KATNB1: variants seen among roughly 807,000 people sequenced by gnomAD.
KATNB1 encodes the protein katanin p80 WD40 repeat-containing subunit B1.
Under a neutral mutation model 82.3 loss-of-function variants are expected in KATNB1, and 38 were observed. The ratio of observed to expected loss-of-function variants is 0.46; its 90% CI spans 0.36 to 0.61. KATNB1 has a LOEUF of 0.61. Among genes scored for constraint, KATNB1 ranks in the 20% least tolerant of loss-of-function variants. KATNB1 has a pLI of 0.00. For synonymous variants in KATNB1, 361 were observed against 368.7 expected, an observed-to-expected ratio of 0.98 and a Z score of 0.24; for missense variants, 749 against 915.7, an observed-to-expected ratio of 0.82 and a Z score of 2.35.
intron 10 of KATNB1, 23 bp from the exon 11 acceptor site, chr16:57,753,053 GC>G (rs782109532): frequency 6.3e-7 from 1 of 1,592,100 alleles, no homozygotes; most frequent in South Asian, 1.1e-5. Flanking sequence ...TGCAGTCCCA[GC>G]CCCACCTCTC....
intron 16 of KATNB1, 24 bp downstream of exon 16, chr16:57,755,518 G>T: frequency 6.2e-7 from 1 of 1,601,592 alleles, no homozygotes; most frequent in Non-Finnish European, 8.5e-7. Context: ...CTTGCACAGG[G>T]CCTCATCTCG....
chr16:57,736,950 A>T, intron 1 of KATNB1, 28 bp from the exon 2 acceptor site: 1 of 657,384 alleles, frequency 1.5e-6, no homozygotes, highest in Non-Finnish European at 2.8e-6. Context: ...ATTTTCTAAC[A>T]TGACGTCACC....
rs1334640806 is a variant in KATNB1 at position 57,755,434 on chromosome 16, C to T, written c.1506C>T (p.Leu502=). ...GCCACGACACCATGTGTGTGGTGCT[C>T]ACCAGCCGCCACAAGAACCTGGACA... The part of the protein sequence containing the change: ...RKGHDTMCVV[L]TSRHKNLDTV... Residue 502 remains leucine, a synonymous_variant, in exon 16 of 20, where the codon CTC becomes CTT. Transcript: ENST00000379661. 6.2e-7 allele frequency: 1 copy of T among 1,613,076 alleles called. No individual in the cohort carries two copies.
chr16:57,740,184 C>A (rs1424705185), intron 2 of KATNB1, among the ~76,000 whole-genome samples: 3 of 152,196 alleles, frequency 2.0e-5, no homozygotes, highest in Admixed American at 1.3e-4. Flanking sequence ...GGGCCCAGCT[C>A]CCTGGGATCC....
At chr16:57,741,640 C>T (rs1555579466) in intron 2 of KATNB1, 47 bp from the exon 3 acceptor site, 2 of 1,574,878 alleles carry the variant, frequency 1.3e-6, no homozygotes, top group East Asian at 2.3e-5. Context: ...CTTCACAAGG[C>T]CCCATCGGGC....
chr16:57,753,538 C>T lies in KATNB1; in HGVS notation c.1177+19C>T, dbSNP rs2049249304. ...AGCATCAGTGAGGCCGGGCTCCCGC[C>T]CCCAGCCCAGCGTCCCCATCGGTGA... On this transcript the variant is annotated intron_variant, in intron 12 of 19. Transcript: ENST00000379661. The T allele has an allele frequency of 6.2e-7, 1 of 1,611,524 alleles. No individual in the cohort carries two copies. Among genetic ancestry groups the T allele is most frequent in the South Asian group, 1.1e-5 (1 of 90,976 alleles).
Position 57,756,086 on chromosome 16 carries a change from G to A in KATNB1, c.1718+20G>A. 6.2e-7 allele frequency: 1 copy of A among 1,602,286 alleles called. No individual in the cohort carries two copies. The highest frequency in any genetic ancestry group is 8.5e-7 in the Non-Finnish European group (1 of 1,179,594). ...TGAGAGGTGCGTGTGGGGAAGCCATGCCTGCCTGAAGCAGGGGGAGGGGAG... is the reference window on the plus strand; with the variant it reads ...TGAGAGGTGCGTGTGGGGAAGCCATACCTGCCTGAAGCAGGGGGAGGGGAG... On this transcript the variant is annotated intron_variant, in intron 18 of 19. Coordinates refer to ENST00000379661, the MANE Select transcript of KATNB1 (RefSeq NM_005886.3).
At chr16:57,755,810 C>A in intron 16 of KATNB1, 31 bp from the exon 17 acceptor site, 1 of 1,559,614 alleles carries the variant, frequency 6.4e-7, no homozygotes, top group South Asian at 1.2e-5. Context: ...TCCCCCACTG[C>A]CCCACCCCTG....
chr16:57,745,435 T>A (rs1055646074), intron 4 of KATNB1, among the ~76,000 whole-genome samples: 1 of 151,846 alleles, frequency 6.6e-6, no homozygotes, highest in Non-Finnish European at 1.5e-5. Context: ...TGGTGGCACA[T>A]GTCTGTAATC....
At position 57,737,311 on chromosome 16, in the gene KATNB1, C is replaced by T. The variant is rs1449465975; in HGVS notation, c.40+28C>T. 9 of 1,613,538 alleles carry T rather than the reference C, an allele frequency of 5.6e-6. No individual in the cohort carries two copies. In the East Asian group the frequency reaches 1.1e-4, roughly 20 times the overall value. On this transcript the variant is annotated intron_variant, in intron 2 of 19. Coordinates refer to ENST00000379661, the MANE Select transcript of KATNB1 (RefSeq NM_005886.3). ...GAGTGGTTTTCATTTTTCTTTATCA[C>T]CCCATTTATTCTGTTAGCGGCTTGT...
intron 4 of KATNB1, among the ~76,000 whole-genome samples, chr16:57,747,043 C>T (rs1203143457): frequency 7.3e-5 from 11 of 149,752 alleles, no homozygotes; most frequent in South Asian, 2.1e-4. Context: ...CACCATGTCC[C>T]GCTAATTTTT....
intron 4 of KATNB1, among the ~76,000 whole-genome samples, chr16:57,749,643 T>C (rs532020590): frequency 6.6e-6 from 1 of 152,328 alleles, no homozygotes; most frequent in African/African-American, 2.4e-5. Context: ...TAGTGAATTA[T>C]GAATCTTTCC....
rs1214820114 is a variant in KATNB1 at position 57,757,134 on chromosome 16, C to A, written c.*188C>A. 4.0e-6 allele frequency: 2 copies of A among 506,324 alleles called. No individual in the cohort carries two copies. Among genetic ancestry groups the A allele is most frequent in the African/African-American group, 4.0e-5 (2 of 50,524 alleles). 31.4% of individuals were successfully genotyped at this position (506,324 alleles called of 1,614,324 possible). A position where few individuals can be genotyped will look rare whatever the true frequency, so the allele number is the denominator to read the frequency against. On this transcript the variant is annotated 3_prime_UTR_variant, in exon 20 of 20. Transcript: ENST00000379661. ...CCCTGAACTCTTGAGACAACTCTCT[C>A]CAGCAATAGCTGCCCAGCTTTGCCC...
chr16:57,741,222 A>G (rs1555579321), intron 2 of KATNB1, among the ~76,000 whole-genome samples: 1 of 152,250 alleles, frequency 6.6e-6, no homozygotes, highest in African/African-American at 2.4e-5. Flanking sequence ...ACACACAAGC[A>G]GCAGCTGAGA....
At position 57,737,425 on chromosome 16, in the gene KATNB1, A is replaced by G. The variant is rs58845971; in HGVS notation, c.40+142A>G. 113,227 of 905,072 alleles carry G rather than the reference A, an allele frequency of 0.13. 8,043 individuals are homozygous for G. Among genetic ancestry groups the G allele is most frequent in the African/African-American group, 0.16 (9,418 of 60,216 alleles). 56.1% of individuals were successfully genotyped at this position (905,072 alleles called of 1,614,324 possible). ...TTGGGAGTAAGATAGACCATTATGTAAATCATGACTGTGGCACTTCTTAGC... is the reference window on the plus strand; with the variant it reads ...TTGGGAGTAAGATAGACCATTATGTGAATCATGACTGTGGCACTTCTTAGC... On this transcript the variant is annotated intron_variant, in intron 2 of 19. Coordinates refer to ENST00000379661, the MANE Select transcript of KATNB1 (RefSeq NM_005886.3).
chr16:57,746,729 A>G (rs2049186529), intron 4 of KATNB1, among the ~76,000 whole-genome samples: 1 of 152,088 alleles, frequency 6.6e-6, no homozygotes, highest in Non-Finnish European at 1.5e-5. Context: ...AGGTGGTGCC[A>G]GCTCTACGGA....
At chr16:57,740,656 C>T (rs1300563482) in intron 2 of KATNB1, among the ~76,000 whole-genome samples, 3 of 152,188 alleles carry the variant, frequency 2.0e-5, no homozygotes, top group South Asian at 2.1e-4. Flanking sequence ...TTCTGAGGCC[C>T]GGGCCGCCTC....
intron 1 of KATNB1, chr16:57,736,138 A>T (rs1280318858): frequency 1.3e-5 from 2 of 152,480 alleles, no homozygotes; most frequent in African/African-American, 4.8e-5. Context: ...GGAGAAGAGA[A>T]GTAGGAGAAT....
At chr16:57,749,832 C>A (rs1268168126) in intron 4 of KATNB1, among the ~76,000 whole-genome samples, 2 of 152,186 alleles carry the variant, frequency 1.3e-5, no homozygotes, top group Non-Finnish European at 2.9e-5. Flanking sequence ...CCCAGGAGTT[C>A]TTTGGTCCTC....
Sources: allele counts gnomAD v4.1 joint callset (sites outside exome capture counted in the v4.1 genomes callset), GRCh38; gene constraint gnomAD v4.1.1; transcripts MANE v1.5; gene names NCBI Gene and HGNC (gene_info 2026-07-23, HGNC 2026-07-21).